Variants in SIRPG observed in about 807,000 individuals in gnomAD.
SIRPG encodes the protein signal regulatory protein gamma.
Under a neutral mutation model 35.7 loss-of-function variants are expected in SIRPG, and 38 were observed. The observed-to-expected ratio is 1.06, with a 90% confidence interval of 0.82 to 1.40. The LOEUF (loss-of-function observed/expected upper bound fraction) is 1.40, where lower values mean the gene tolerates loss of function less well. Among genes scored for constraint, SIRPG ranks in the 40% most tolerant of loss-of-function variants. SIRPG has a pLI of 0.00. For missense variants in SIRPG, 519 were observed against 483.0 expected (o/e 1.07, Z -0.70); for synonymous variants, 215 against 190.4 (o/e 1.13, Z -1.06).
chr20:1,631,952 T>A (rs1268198732), intron 4 of SIRPG, among the ~76,000 whole-genome samples: 1 of 152,210 alleles, frequency 6.6e-6, no homozygotes, highest in Non-Finnish European at 1.5e-5. Flanking sequence ...GAGGACTTCT[T>A]GGCAGCACTG....
chr20:1,656,703 G>A (rs1449101280), intron 1 of SIRPG, among the ~76,000 whole-genome samples: 1 of 152,112 alleles, frequency 6.6e-6, no homozygotes, highest in Non-Finnish European at 1.5e-5. Flanking sequence ...CTGCCTGGGG[G>A]AAGGGAAAAT....
chr20:1,686,316 C>T, the SIRPG span, among the ~76,000 whole-genome samples: 1 of 151,996 alleles, frequency 6.6e-6, no homozygotes, highest in Admixed American at 6.6e-5. Flanking sequence ...GGGTTCTAGC[C>T]CAAGGCAGTG....
At chr20:1,669,763 G>A in the SIRPG span, among the ~76,000 whole-genome samples, 1 of 152,156 alleles carries the variant, frequency 6.6e-6, no homozygotes, top group Non-Finnish European at 1.5e-5. Flanking sequence ...TCTTAGTAAT[G>A]GTGACTCTTG....
chr20:1,645,837 C>T (rs1299307252), intron 2 of SIRPG, among the ~76,000 whole-genome samples: 2 of 152,192 alleles, frequency 1.3e-5, no homozygotes, highest in Admixed American at 1.3e-4. Flanking sequence ...GCTCTGTGCA[C>T]ATCCTCTCCG....
chr20:1,640,101 CG>C (rs1342583297), intron 2 of SIRPG, among the ~76,000 whole-genome samples: 2 of 151,958 alleles, frequency 1.3e-5, no homozygotes, highest in Non-Finnish European at 2.9e-5. Context: ...CTTGGCTATA[CG>C]GGCTTTTTTT....
the SIRPG span, chr20:1,666,443 TTGAG>T: frequency 2.6e-5 from 4 of 152,228 alleles, no homozygotes; most frequent in African/African-American, 9.7e-5. Context: ...AAGTTCTGGA[TTGAG>T]TGTGTGCACT....
At chr20:1,657,784 A>G, upstream of SIRPG, 1 of 1,415,452 alleles carries the variant, frequency 7.1e-7, no homozygotes, top group African/African-American at 1.4e-5. Context: ...TGCTCTGAAG[A>G]CAGAAGACAA....
chr20:1,669,948 C>T, the SIRPG span: 3 of 223,368 alleles, frequency 1.3e-5, no homozygotes, highest in South Asian at 2.5e-4. Flanking sequence ...TCCTGGTGGG[C>T]TGAGACCTCT....
At chr20:1,644,869 A>C (rs1275364105) in intron 2 of SIRPG, among the ~76,000 whole-genome samples, 1 of 152,186 alleles carries the variant, frequency 6.6e-6, no homozygotes, top group Non-Finnish European at 1.5e-5. Flanking sequence ...GGGTCTCGCC[A>C]GCTGCCTAGT....
At chr20:1,634,020 A>G (rs114504448) in intron 4 of SIRPG, among the ~76,000 whole-genome samples, 270 of 152,352 alleles carry the variant, frequency 1.8e-3, no homozygotes, top group African/African-American at 6.1e-3. Flanking sequence ...CCCAAGTCCT[A>G]GTTTCCCCTT....
At chr20:1,684,123 A>G in the SIRPG span, among the ~76,000 whole-genome samples, 439 of 152,338 alleles carry the variant, frequency 2.9e-3, 1 homozygote, top group African/African-American at 0.01. Context: ...TCTAGAGTGA[A>G]TAACATGAAT....
At chr20:1,679,497 G>C in the SIRPG span, among the ~76,000 whole-genome samples, 5 of 152,024 alleles carry the variant, frequency 3.3e-5, no homozygotes, top group African/African-American at 1.2e-4. Flanking sequence ...CTCCCAGTAA[G>C]ACACTTGCCT....
At chr20:1,678,154 A>G in the SIRPG span, among the ~76,000 whole-genome samples, 3 of 152,138 alleles carry the variant, frequency 2.0e-5, no homozygotes, top group African/African-American at 7.2e-5. Flanking sequence ...ACGTCTTCCC[A>G]TCACTCCAGC....
intron 2 of SIRPG, among the ~76,000 whole-genome samples, chr20:1,644,587 C>T (rs995865008): frequency 3.3e-5 from 5 of 150,720 alleles, no homozygotes; most frequent in African/African-American, 1.2e-4. Flanking sequence ...CTGGCCACCC[C>T]TTCCCCTGGG....
rs1335190516 is a variant in SIRPG, at chr20:1,649,103, G to T, written c.379C>A (p.Pro127Thr). ...YYCVKFRKGS[P>T]ENVEFKSGPG... ...CCAGACTTAAACTCCACGTTCTCAG[G>T]GCTCCCTTTTCGAAACTTCACACAG... is the stretch of plus-strand genomic sequence containing the variant. Residue 127 changes from proline to threonine, a missense_variant, in exon 2 of 6, where the codon CCT becomes ACT. By Grantham distance (38) the Pro-to-Thr change is conservative. Transcript: ENST00000303415. 6.2e-7 allele frequency: 1 copy of T among 1,613,864 alleles called. No homozygotes were observed. Among genetic ancestry groups the T allele is most frequent in the Non-Finnish European group, 8.5e-7 (1 of 1,179,850 alleles).
intron 4 of SIRPG, among the ~76,000 whole-genome samples, chr20:1,634,003 A>G (rs2091770936): frequency 6.6e-6 from 1 of 152,168 alleles, no homozygotes; most frequent in African/African-American, 2.4e-5. Context: ...AACATCCCCC[A>G]TGACTTCCCA....
At chr20:1,668,234 T>C in the SIRPG span, among the ~76,000 whole-genome samples, 1 of 123,964 alleles carries the variant, frequency 8.1e-6, no homozygotes, top group African/African-American at 3.0e-5. Flanking sequence ...TTTCTTTCTT[T>C]CTTTCTTTCT....
chr20:1,667,919 A>G, the SIRPG span, among the ~76,000 whole-genome samples: 3 of 152,134 alleles, frequency 2.0e-5, no homozygotes, highest in Non-Finnish European at 2.9e-5. Flanking sequence ...TATTGTATTG[A>G]CTGTTCTGCC....
upstream of SIRPG, among the ~76,000 whole-genome samples, chr20:1,658,888 A>G (rs1169659625): frequency 2.6e-5 from 4 of 152,134 alleles, no homozygotes; most frequent in African/African-American, 9.7e-5. Context: ...TGCCACCCTG[A>G]AATCAGTTTC....
Sources: gnomAD v4.1 joint callset for allele counts (sites outside exome capture counted in the v4.1 genomes callset) on GRCh38, gnomAD v4.1.1 for gene constraint, MANE v1.5 for transcripts, NCBI Gene and HGNC (gene_info 2026-07-23, HGNC 2026-07-21) for gene names.